XYLT1: variants seen among roughly 807,000 people sequenced by gnomAD.
The protein encoded by XYLT1 is xylosyltransferase 1, also known as beta-D-xylosyltransferase 1.
Under a neutral mutation model 91.3 loss-of-function variants are expected in XYLT1, and 36 were observed. The ratio of observed to expected loss-of-function variants is 0.39; its 90% confidence interval spans 0.30 to 0.52. XYLT1 has a LOEUF of 0.52. Among genes scored for constraint, XYLT1 ranks in the 20% least tolerant of loss-of-function variants. The pLI is 0.68. For missense variants in XYLT1, 1,242 were observed against 1,284.5 expected (o/e 0.97, Z 0.51); for synonymous variants, 588 against 532.0 (o/e 1.11, Z -1.45).
At chr16:17,414,001 G>A (rs1474828796) in intron 1 of XYLT1, among the ~76,000 whole-genome samples, 1 of 152,176 alleles carries the variant, frequency 6.6e-6, no homozygotes, top group African/African-American at 2.4e-5. Flanking sequence ...ATTCAAGCCG[G>A]TCAATCCCAA....
intron 1 of XYLT1, among the ~76,000 whole-genome samples, chr16:17,385,261 AACACACATACACACACACACACAC>A (rs931389805): frequency 1.9e-5 from 2 of 108,100 alleles, no homozygotes; most frequent in African/African-American, 3.4e-5. Flanking sequence ...AACACACATA[AACACACATACACACACACACACAC>A]ACACACACAC....
chr16:17,221,070 T>C (rs1164669164), intron 3 of XYLT1, among the ~76,000 whole-genome samples: 1 of 152,186 alleles, frequency 6.6e-6, no homozygotes, highest in African/African-American at 2.4e-5. Context: ...TACGGCTTCA[T>C]GGTGGCAACA....
intron 3 of XYLT1, among the ~76,000 whole-genome samples, chr16:17,249,391 G>A (rs932470844): frequency 6.6e-6 from 1 of 152,136 alleles, no homozygotes; most frequent in Non-Finnish European, 1.5e-5. Context: ...TCCCAGTGAG[G>A]GCAAGACTGA....
intron 1 of XYLT1, among the ~76,000 whole-genome samples, chr16:17,408,835 T>A (rs924744256): frequency 6.6e-6 from 1 of 150,994 alleles, no homozygotes; most frequent in Non-Finnish European, 1.5e-5. Context: ...GCAACAAGAG[T>A]GAAACTCCAT....
rs74416197 is a variant in XYLT1, at chr16:17,225,179, T to A, written c.914-24525A>T. Among the ~76,000 whole-genome samples the A allele has an allele frequency of 5.2e-3, 492 of 95,520 alleles. 1 individual carries two copies. The highest frequency in any genetic ancestry group is 0.017 in the African/African-American group (431 of 24,736). The allele number at this position is 95,520 out of a possible 152,430, so 62.7% of individuals were successfully genotyped here. ...CACACACACACACACACACACACAC[T>A]CTCTCTCTCTCTATTTATAATTGGT... On this transcript the variant is annotated intron_variant, in intron 3 of 11. Transcript: ENST00000261381.
Position 17,107,456 on chromosome 16 carries a change from A to C in XYLT1, c.*1239T>G. The C allele has an allele frequency of 6.5e-6, 1 of 152,718 alleles. No homozygotes were observed. Among genetic ancestry groups the C allele is most frequent in the Middle Eastern group, 3.4e-3 (1 of 294 alleles). The allele number at this position is 152,718 out of a possible 1,614,324, so 9.5% of individuals were successfully genotyped here. On this transcript the variant is annotated 3_prime_UTR_variant, in exon 12 of 12. Transcript: ENST00000261381. Reference sequence around the variant, plus strand: ...AACCTTTTGGGTTTCTGGTAACTCAACACTTAAATCATACTGTTTTTTGTT... The same window carrying C: ...AACCTTTTGGGTTTCTGGTAACTCACCACTTAAATCATACTGTTTTTTGTT...
At chr16:17,275,501 GT>G (rs2033960854) in intron 2 of XYLT1, among the ~76,000 whole-genome samples, 1 of 152,138 alleles carries the variant, frequency 6.6e-6, no homozygotes, top group African/African-American at 2.4e-5. Context: ...AAGTAAGAGA[GT>G]TATCTGAAAA....
intron 2 of XYLT1, among the ~76,000 whole-genome samples, chr16:17,334,565 C>T (rs2034949403): frequency 6.6e-6 from 1 of 152,066 alleles, no homozygotes; most frequent in Non-Finnish European, 1.5e-5. Context: ...CATTTTTCTA[C>T]TAACCACCCA....
At chr16:17,311,759 T>C (rs1194305222) in intron 2 of XYLT1, among the ~76,000 whole-genome samples, 1 of 149,786 alleles carries the variant, frequency 6.7e-6, no homozygotes. Context: ...ATAAGTTTAA[T>C]GAACTCACAG....
At chr16:17,420,258 G>A (rs2036235404) in intron 1 of XYLT1, among the ~76,000 whole-genome samples, 1 of 152,246 alleles carries the variant, frequency 6.6e-6, no homozygotes, top group South Asian at 2.1e-4. Context: ...GTATTTTCAA[G>A]AAATGATAGA....
intron 3 of XYLT1, among the ~76,000 whole-genome samples, chr16:17,217,833 C>T (rs1243186008): frequency 2.0e-5 from 3 of 151,676 alleles, no homozygotes; most frequent in African/African-American, 7.3e-5. Context: ...AAAGAAGCCA[C>T]GGTGAAGCTG....
intron 2 of XYLT1, among the ~76,000 whole-genome samples, chr16:17,327,354 CTTTTTTCTT>C (rs1289479025): frequency 1.5e-5 from 2 of 134,656 alleles, no homozygotes; most frequent in East Asian, 4.3e-4. Context: ...CTTTTCTTTT[CTTTTTTCTT>C]TTTTTTTTTT....
chr16:17,197,753 G>A (rs979812189), intron 5 of XYLT1, among the ~76,000 whole-genome samples: 9 of 152,316 alleles, frequency 5.9e-5, no homozygotes, highest in Admixed American at 5.2e-4. Flanking sequence ...ACCACAGACT[G>A]AAGACTGCAC....
intron 6 of XYLT1, among the ~76,000 whole-genome samples, chr16:17,148,820 A>G (rs1262400826): frequency 6.6e-6 from 1 of 152,208 alleles, no homozygotes; most frequent in Non-Finnish European, 1.5e-5. Context: ...TGAAAAAGAC[A>G]ATGCCCAGAA....
At chr16:17,239,185 T>C (rs1008068925) in intron 3 of XYLT1, among the ~76,000 whole-genome samples, 8 of 152,150 alleles carry the variant, frequency 5.3e-5, no homozygotes, top group African/African-American at 1.7e-4. Context: ...ACTTGCAGAC[T>C]TGGACCCCTG....
intron 1 of XYLT1, among the ~76,000 whole-genome samples, chr16:17,412,737 C>CT (rs1431947344): frequency 6.6e-6 from 1 of 152,184 alleles, no homozygotes; most frequent in African/African-American, 2.4e-5. Context: ...GCCCAACTGA[C>CT]TGAGTCCCAA....
chr16:17,229,361 G>A (rs528333037), intron 3 of XYLT1, among the ~76,000 whole-genome samples: 11 of 152,276 alleles, frequency 7.2e-5, no homozygotes, highest in South Asian at 2.1e-4. Flanking sequence ...TATGTGGACC[G>A]GATGAATGTG....
chr16:17,220,336 T>C (rs1019388133), intron 3 of XYLT1, among the ~76,000 whole-genome samples: 2 of 151,982 alleles, frequency 1.3e-5, no homozygotes, highest in Non-Finnish European at 2.9e-5. Context: ...ATGAGCACAA[T>C]TGAAATCTGA....
intron 2 of XYLT1, among the ~76,000 whole-genome samples, chr16:17,354,039 T>C (rs1371278037): frequency 1.3e-5 from 2 of 152,136 alleles, no homozygotes; most frequent in African/African-American, 2.4e-5. Flanking sequence ...TCTTGGCAAA[T>C]GGTAAATGTT....
Sources: gnomAD v4.1 joint callset for allele counts (sites outside exome capture counted in the v4.1 genomes callset) on GRCh38, gnomAD v4.1.1 for gene constraint, MANE v1.5 for transcripts, NCBI Gene and HGNC (gene_info 2026-07-23, HGNC 2026-07-21) for gene names.